Variants in ACSS1 observed in about 807,000 individuals in gnomAD.
ACSS1 encodes acyl-CoA synthetase short chain family member 1.
Under a neutral mutation model 75.3 loss-of-function variants are expected in ACSS1, and 42 were observed. The ratio of observed to expected loss-of-function variants is 0.56; its 90% confidence interval spans 0.44 to 0.72. The LOEUF is 0.72. ACSS1 is among the 30% of genes least tolerant of loss of function. ACSS1 has a pLI of 0.00. For synonymous variants in ACSS1, 380 were observed against 376.8 expected, an observed-to-expected ratio of 1.01 and a Z score of -0.10; for missense variants, 782 against 935.7, an observed-to-expected ratio of 0.84 and a Z score of 2.14.
intron 7 of ACSS1, among the ~76,000 whole-genome samples, chr20:25,016,893 A>G (rs1378691014): frequency 6.6e-6 from 1 of 152,258 alleles, no homozygotes; most frequent in Non-Finnish European, 1.5e-5. Flanking sequence ...ACAGAGCTGC[A>G]TCCACTACAG....
intron 3 of ACSS1, among the ~76,000 whole-genome samples, chr20:25,028,303 A>G (rs2088763662): frequency 6.6e-6 from 1 of 152,218 alleles, no homozygotes; most frequent in African/African-American, 2.4e-5. Context: ...AGCCAAAACA[A>G]TCTTGAAAAA....
chr20:25,046,687 C>T (rs2089096141), intron 2 of ACSS1: 3 of 674,216 alleles, frequency 4.4e-6, no homozygotes, highest in African/African-American at 1.8e-5. Flanking sequence ...GGGCTTTGTT[C>T]GCAGGCAGAT....
intron 3 of ACSS1, 141 bp downstream of exon 3, chr20:25,030,618 G>T: frequency 1.0e-6 from 1 of 953,108 alleles, no homozygotes; most frequent in Non-Finnish European, 1.5e-6. Context: ...TCGGCCATGT[G>T]CCTGTCCCTA....
intron 2 of ACSS1, among the ~76,000 whole-genome samples, chr20:25,036,997 G>GAAGA (rs569262027): frequency 8.6e-6 from 1 of 115,798 alleles, no homozygotes; most frequent in Non-Finnish European, 1.7e-5. Context: ...AAGAAAGAAA[G>GAAGA]AAGAAAGAAA....
chr20:25,045,524 C>T (rs1282206287), intron 2 of ACSS1, among the ~76,000 whole-genome samples: 1 of 152,248 alleles, frequency 6.6e-6, no homozygotes, highest in South Asian at 2.1e-4. Context: ...TGCATCGGCA[C>T]CAGCGTCCCA....
chr20:25,018,274 C>T (rs912852933), intron 7 of ACSS1, among the ~76,000 whole-genome samples: 3 of 152,208 alleles, frequency 2.0e-5, no homozygotes, highest in African/African-American at 7.2e-5. Flanking sequence ...TGGGACGATG[C>T]AGCAAGAAGG....
chr20:25,019,969 G>C (rs2088589370), intron 7 of ACSS1, 41 bp downstream of exon 7: 1 of 1,613,088 alleles, frequency 6.2e-7, no homozygotes, highest in African/African-American at 1.3e-5. Flanking sequence ...TGAGGGTCTA[G>C]GGCAAGCACA....
chr20:25,028,081 G>A (rs1276190572), intron 3 of ACSS1, among the ~76,000 whole-genome samples: 2 of 152,104 alleles, frequency 1.3e-5, no homozygotes, highest in African/African-American at 4.8e-5. Flanking sequence ...TGCAAGACTT[G>A]TACACTGAAT....
chr20:25,046,738 T>C, intron 2 of ACSS1: 1 of 770,024 alleles, frequency 1.3e-6, no homozygotes, highest in Non-Finnish European at 2.4e-6. Flanking sequence ...TGCAGCAGCT[T>C]GGGTCTTCAG....
chr20:25,031,373 A>G (rs1347286149), intron 2 of ACSS1, among the ~76,000 whole-genome samples: 1 of 152,220 alleles, frequency 6.6e-6, no homozygotes, highest in East Asian at 1.9e-4. Context: ...CTGCAAAGAC[A>G]AACTCTTGCA....
At chr20:25,053,038 C>T (rs7270236) in intron 1 of ACSS1, among the ~76,000 whole-genome samples, 5 of 149,576 alleles carry the variant, frequency 3.3e-5, no homozygotes, top group African/African-American at 5.0e-5. Flanking sequence ...AATTTGAATA[C>T]GGAGTTACTA....
chr20:25,033,212 T>C (rs1025253653), intron 2 of ACSS1, among the ~76,000 whole-genome samples: 1 of 148,366 alleles, frequency 6.7e-6, no homozygotes, highest in Non-Finnish European at 1.5e-5. Flanking sequence ...GCCTCGCTGC[T>C]ACCAGAGATG....
intron 2 of ACSS1, chr20:25,046,470 C>T: frequency 3.0e-6 from 1 of 337,052 alleles, no homozygotes. Flanking sequence ...GGGGGCGTGG[C>T]ACACAACCTG....
At chr20:25,046,911 T>A (rs2089101734) in intron 2 of ACSS1, 1 of 779,480 alleles carries the variant, frequency 1.3e-6, no homozygotes, top group Non-Finnish European at 2.4e-6. Context: ...GCTGTGAGTC[T>A]GGCTGGTGGG....
In ACSS1 at chr20:25,022,926, G is replaced by T; in HGVS notation, c.960+14C>A. 6.2e-7 allele frequency: 1 copy of T among 1,601,176 alleles called. No individual in the cohort carries two copies. Among genetic ancestry groups the T allele is most frequent in the South Asian group, 1.1e-5 (1 of 89,578 alleles). On this transcript the variant is annotated intron_variant, in intron 5 of 13. Coordinates refer to ENST00000323482, the MANE Select transcript of ACSS1 (RefSeq NM_032501.4). Reference sequence around the variant, plus strand: ...CCCTGCCAAGGGCCCAGCACCGCCCGCACAGGCCTGTACCTTGTGAGTCAG... The same window carrying T: ...CCCTGCCAAGGGCCCAGCACCGCCCTCACAGGCCTGTACCTTGTGAGTCAG...
intron 2 of ACSS1, among the ~76,000 whole-genome samples, chr20:25,038,534 G>T (rs1012367704): frequency 2.6e-5 from 4 of 152,178 alleles, no homozygotes; most frequent in African/African-American, 9.7e-5. Flanking sequence ...GGCACCTCAG[G>T]CACCTCCTTC....
rs114280832 is a variant in ACSS1, at chr20:25,016,181, C to T, written c.1247-951G>A. Reference sequence around the variant, plus strand: ...TGACGCTGGGCAAGGGAGGGGTGTGCTGTGTGATCCCACCCAGCTGAGGTT... The same window carrying T: ...TGACGCTGGGCAAGGGAGGGGTGTGTTGTGTGATCCCACCCAGCTGAGGTT... On this transcript the variant is annotated intron_variant, in intron 7 of 13. Coordinates refer to ENST00000323482, the MANE Select transcript of ACSS1 (RefSeq NM_032501.4). 2.7e-3 allele frequency among the ~76,000 whole-genome samples: 408 copies of T among 152,258 alleles called. 3 individuals carry two copies. Among genetic ancestry groups the T allele is most frequent in the African/African-American group, 9.4e-3 (390 of 41,538 alleles).
At chr20:25,017,304 C>T (rs745826744) in intron 7 of ACSS1, among the ~76,000 whole-genome samples, 29 of 152,324 alleles carry the variant, frequency 1.9e-4, no homozygotes, top group African/African-American at 4.3e-4. Flanking sequence ...GGGATTCTGA[C>T]GACTCAACGG....
At chr20:25,009,410 G>C in intron 12 of ACSS1, 22 bp from the exon 13 acceptor site, 2 of 1,596,618 alleles carry the variant, frequency 1.3e-6, no homozygotes, top group South Asian at 1.1e-5. Context: ...GCCAAGTTTG[G>C]GGATGTATTA....
Sources: allele counts gnomAD v4.1 joint callset (sites outside exome capture counted in the v4.1 genomes callset), GRCh38; gene constraint gnomAD v4.1.1; transcripts MANE v1.5; gene names NCBI Gene and HGNC (gene_info 2026-07-23, HGNC 2026-07-21).